Variants in FRMD4A observed in about 807,000 individuals in gnomAD.
FRMD4A encodes the protein FERM domain-containing protein 4A.
A neutral mutation model predicts 129.1 loss-of-function variants in FRMD4A; 29 were observed. The observed-to-expected ratio is 0.22, with a 90% CI of 0.17 to 0.31. The LOEUF (loss-of-function observed/expected upper bound fraction) is 0.31, where lower values mean the gene tolerates loss of function less well. FRMD4A is among the 10% of genes least tolerant of loss of function. The pLI is 1.00. For missense variants in FRMD4A, 1,272 were observed against 1,375.8 expected (o/e 0.92, Z 1.19); for synonymous variants, 634 against 571.6 (o/e 1.11, Z -1.56).
At position 13,666,160 on chromosome 10, in the gene FRMD4A, T is replaced by A; in HGVS notation, c.1540A>T (p.Ile514Phe). ...LKKLQEIENA[I>F]NENRIKSGKK... ...CCAGACTTGATGCGGTTCTCATTGA[T>A]TGCATTTTCAATCTCCTGCAGTTTC... Residue 514 changes from isoleucine (I) to phenylalanine (F), a missense_variant, in exon 18 of 25, where the codon ATC becomes TTC. Around this residue, in one of 2 missense-constraint regions of FRMD4A, gnomAD observed 972 missense variants for 892.3 expected, o/e 1.09. Transcript: ENST00000357447. 1 of 1,613,716 alleles carries A rather than the reference T, an allele frequency of 6.2e-7. No homozygotes were observed. The highest frequency in any genetic ancestry group is 1.1e-5 in the South Asian group (1 of 91,064).
At chr10:13,713,810 CA>C (rs1277616386) in intron 12 of FRMD4A, among the ~76,000 whole-genome samples, 6 of 116,282 alleles carry the variant, frequency 5.2e-5, no homozygotes, top group Non-Finnish European at 1.0e-4. Context: ...TATATATACA[CA>C]TATATATAAT....
intron 16 of FRMD4A, among the ~76,000 whole-genome samples, chr10:13,672,597 C>G (rs2134722236): frequency 6.6e-6 from 1 of 152,254 alleles, no homozygotes; most frequent in Non-Finnish European, 1.5e-5. Context: ...TCTTGATTCT[C>G]CAGATATTTA....
At chr10:13,731,413 C>A (rs899290906) in intron 12 of FRMD4A, among the ~76,000 whole-genome samples, 2 of 152,154 alleles carry the variant, frequency 1.3e-5, no homozygotes, top group African/African-American at 2.4e-5. Flanking sequence ...CTTTGGGAGG[C>A]CAAGGTGGGG....
intron 2 of FRMD4A, among the ~76,000 whole-genome samples, chr10:14,207,795 A>T (rs549463205): frequency 4.3e-4 from 65 of 152,188 alleles, no homozygotes; most frequent in African/African-American, 1.3e-3. Context: ...TGTTTTTTAT[A>T]TACTTTTTTA....
intron 14 of FRMD4A, among the ~76,000 whole-genome samples, chr10:13,695,332 G>A (rs762696226): frequency 6.6e-6 from 1 of 152,006 alleles, no homozygotes; most frequent in Non-Finnish European, 1.5e-5. Context: ...GTAGAGACGG[G>A]GTTTTGCCAT....
At position 13,674,892 on chromosome 10, in the gene FRMD4A, T is replaced by C; in HGVS notation, c.1251+19A>G. On this transcript the variant is annotated intron_variant, in intron 16 of 24. Coordinates refer to ENST00000357447, the MANE Select transcript of FRMD4A (RefSeq NM_018027.5). Reference sequence around the variant, plus strand: ...ACAGACAACACCAATTTCAACGGGATGAGCTAGGAAAGGCTTACAGCTTCT... The same window carrying C: ...ACAGACAACACCAATTTCAACGGGACGAGCTAGGAAAGGCTTACAGCTTCT... 6.2e-7 allele frequency: 1 copy of C among 1,611,888 alleles called. No homozygotes were observed.
chr10:14,032,357 C>A (rs1369091054), intron 2 of FRMD4A, among the ~76,000 whole-genome samples: 1 of 152,190 alleles, frequency 6.6e-6, no homozygotes, highest in Non-Finnish European at 1.5e-5. Context: ...ACTCCAAATG[C>A]TAATTGCCAA....
chr10:14,088,042 A>T (rs1248099847), intron 2 of FRMD4A, among the ~76,000 whole-genome samples: 1 of 152,192 alleles, frequency 6.6e-6, no homozygotes, highest in Non-Finnish European at 1.5e-5. Flanking sequence ...GCAGAAACTA[A>T]CAGAGCCTAC....
intron 2 of FRMD4A, among the ~76,000 whole-genome samples, chr10:13,918,713 G>C (rs1466652645): frequency 6.6e-6 from 1 of 151,914 alleles, no homozygotes; most frequent in East Asian, 1.9e-4. Context: ...ATTTTTAGTA[G>C]AGATGGGGTT....
chr10:14,169,337 T>C (rs1432890665), intron 2 of FRMD4A, among the ~76,000 whole-genome samples: 2 of 152,184 alleles, frequency 1.3e-5, no homozygotes, highest in African/African-American at 4.8e-5. Context: ...TGTAAGAACA[T>C]GTCAATCTTG....
chr10:14,025,062 G>A (rs1192326217), intron 2 of FRMD4A, among the ~76,000 whole-genome samples: 1 of 152,216 alleles, frequency 6.6e-6, no homozygotes, highest in Non-Finnish European at 1.5e-5. Context: ...AAAGCACATA[G>A]TCTTGTGAAA....
intron 18 of FRMD4A, 104 bp from the exon 19 acceptor site, chr10:13,663,613 C>A (rs2082800581): frequency 8.5e-6 from 6 of 708,892 alleles, no homozygotes; most frequent in South Asian, 1.6e-5. Context: ...CTTTCTCTTC[C>A]TAACCAGAAA....
chr10:13,806,047 G>T (rs1322463361), intron 4 of FRMD4A, among the ~76,000 whole-genome samples: 1 of 152,162 alleles, frequency 6.6e-6, no homozygotes, highest in Middle Eastern at 3.4e-3. Context: ...TAGTGGAGAC[G>T]GGGTTTTGCC....
intron 4 of FRMD4A, among the ~76,000 whole-genome samples, chr10:13,806,622 G>T (rs1021775749): frequency 6.6e-6 from 1 of 152,148 alleles, no homozygotes; most frequent in Non-Finnish European, 1.5e-5. Context: ...CAACATGCCC[G>T]CTGTCTAGAA....
chr10:14,309,079 C>T (rs1846449007), intron 2 of FRMD4A, among the ~76,000 whole-genome samples: 1 of 152,160 alleles, frequency 6.6e-6, no homozygotes, highest in Non-Finnish European at 1.5e-5. Flanking sequence ...AAACCACAAT[C>T]GGCTCACAGA....
At chr10:14,315,820 T>C (rs1218422) in intron 2 of FRMD4A, among the ~76,000 whole-genome samples, 6,009 of 152,294 alleles carry the variant, frequency 0.039, 398 homozygotes, top group African/African-American at 0.14. Context: ...CAAGTTCAGA[T>C]ACTAGCTCCT....
chr10:14,198,835 G>T (rs1589156832), intron 2 of FRMD4A, among the ~76,000 whole-genome samples: 3 of 152,146 alleles, frequency 2.0e-5, no homozygotes, highest in African/African-American at 4.8e-5. Flanking sequence ...CTGCGAGACC[G>T]CTCTAAGTCT....
chr10:14,054,119 C>T (rs764969121), intron 2 of FRMD4A, among the ~76,000 whole-genome samples: 2 of 152,020 alleles, frequency 1.3e-5, no homozygotes, highest in Non-Finnish European at 2.9e-5. Context: ...GAGCTCTGAT[C>T]GCACCACTGC....
rs575454611 is a variant in FRMD4A at position 14,311,676 on chromosome 10, C to T, written c.45+18382G>A. ...CAGTTCCAGGTGGTCATGGCAGCCA[C>T]GTCTTGCTCTCCAGGGCTGTTCCAT... On this transcript the variant is annotated intron_variant, in intron 2 of 24. Coordinates refer to ENST00000357447, the MANE Select transcript of FRMD4A (RefSeq NM_018027.5). Among the ~76,000 whole-genome samples the T allele has an allele frequency of 1.4e-4, 21 of 151,426 alleles. No individual in the cohort carries two copies. In the South Asian group the frequency reaches 4.4e-3, roughly 32 times the overall value.
Sources: allele counts gnomAD v4.1 joint callset (sites outside exome capture counted in the v4.1 genomes callset), GRCh38; gene constraint gnomAD v4.1.1; regional missense constraint gnomAD v4.1.1; transcripts MANE v1.5; gene names NCBI Gene and HGNC (gene_info 2026-07-23, HGNC 2026-07-21).